Variants in VIPR2 observed in about 807,000 individuals in gnomAD.
VIPR2 encodes the protein vasoactive intestinal polypeptide receptor 2.
VIPR2 carries 48 observed loss-of-function variants against 58.0 expected under a neutral mutation model. The observed-to-expected ratio is 0.83, with a 90% CI of 0.66 to 1.05. VIPR2 has a LOEUF of 1.05. Ranked by LOEUF, VIPR2 falls within the 50% of genes least tolerant of loss-of-function variation. The pLI is 0.00. For missense variants in VIPR2, 534 were observed against 558.0 expected (o/e 0.96, Z 0.43); for synonymous variants, 243 against 235.2 (o/e 1.03, Z -0.30).
At chr7:159,123,324 A>C (rs1796538724) in intron 2 of VIPR2, among the ~76,000 whole-genome samples, 1 of 151,310 alleles carries the variant, frequency 6.6e-6, no homozygotes, top group African/African-American at 2.4e-5. Flanking sequence ...AAGAAAGAAA[A>C]AAAAACCTCA....
chr7:159,127,548 C>T lies in VIPR2; in HGVS notation c.151+14898G>A, dbSNP rs906569787. On this transcript the variant is annotated intron_variant, in intron 2 of 12. Coordinates refer to ENST00000262178, the MANE Select transcript of VIPR2 (RefSeq NM_003382.5). This position sits in a 1 kb window ranked among gnomAD's most constrained non-coding sequence, Gnocchi z 4.6. ...AAATTGAGCCTGAGTCAGTCCAATA[C>T]ATGTGGTTGGGATCCCTGACCAGCC... Among the ~76,000 whole-genome samples, 2 of 152,186 alleles carry T rather than the reference C, an allele frequency of 1.3e-5. No homozygotes were observed. Among genetic ancestry groups the T allele is most frequent in the Non-Finnish European group, 2.9e-5 (2 of 68,044 alleles).
At position 159,087,195 on chromosome 7, in the gene VIPR2, G is replaced by A. The variant is rs2730286; in HGVS notation, c.357+16562C>T. Among the ~76,000 whole-genome samples the A allele has an allele frequency of 1.2e-3, 176 of 145,346 alleles. 3 individuals carry two copies. Among genetic ancestry groups the A allele is most frequent in the African/African-American group, 4.1e-3 (160 of 38,754 alleles). On this transcript the variant is annotated intron_variant, in intron 4 of 12. Transcript: ENST00000262178. ...ACCCAGGACTCGGATAGTGAGATAT[G>A]GCTTCCCCAACAAACAATACCCAGG...
chr7:159,071,376 C>G (rs1190870533), intron 4 of VIPR2, among the ~76,000 whole-genome samples: 1 of 152,212 alleles, frequency 6.6e-6, no homozygotes, highest in African/African-American at 2.4e-5. Context: ...CAGGCAGACC[C>G]TTGGCCTTGG....
rs1400639621 is a variant in VIPR2 at position 159,128,356 on chromosome 7, CCTT to C, written c.151+14087_151+14089del. Among the ~76,000 whole-genome samples, 1 of 152,200 alleles carries C rather than the reference CCTT, an allele frequency of 6.6e-6. No homozygotes were observed. Among genetic ancestry groups the C allele is most frequent in the Non-Finnish European group, 1.5e-5 (1 of 68,028 alleles). The stretch of plus-strand genomic sequence containing the variant: ...AGCAGTTCTGAGCCTGCAGTGGTCT[CCTT>C]GTGCCCCCAGGTGCCTGCTGGCACC... On this transcript the variant is annotated intron_variant, in intron 2 of 12. Transcript: ENST00000262178. The surrounding 1 kb of genome is among the most constrained non-coding windows in gnomAD (Gnocchi z 4.1).
chr7:159,141,853 C>T (rs1325027686), intron 2 of VIPR2, among the ~76,000 whole-genome samples: 6 of 152,150 alleles, frequency 3.9e-5, no homozygotes, highest in African/African-American at 4.8e-5. Flanking sequence ...AAAGGCCTTG[C>T]TACTATTTAT....
rs1404619957 is a variant in VIPR2, at chr7:159,043,056, G to A, written c.576C>T (p.Cys192=). The A allele has an allele frequency of 1.9e-6, 3 of 1,614,170 alleles. No homozygotes were observed. Among genetic ancestry groups the A allele is most frequent in the Admixed American group, 1.7e-5 (1 of 60,024 alleles). The change falls in exon 6 of 13, where the codon TGC becomes TGT. Residue 192 remains cysteine (C), a synonymous_variant. Transcript: ENST00000262178. ...VLYSSSGTLH[C]PDQPSSWVGC... ...TTACCCAGGAGGATGGCTGGTCAGG[G>A]CAGTGCAACGTGCCAGAGCTGGAGT...
chr7:159,059,227 A>G (rs1425434080), intron 4 of VIPR2: 1 of 471,076 alleles, frequency 2.1e-6, no homozygotes, highest in South Asian at 1.5e-5. Flanking sequence ...CTACACAAAA[A>G]GAACTGGGTC....
At chr7:159,104,104 C>A (rs923717120) in intron 3 of VIPR2, among the ~76,000 whole-genome samples, 2 of 152,186 alleles carry the variant, frequency 1.3e-5, no homozygotes, top group African/African-American at 4.8e-5. Flanking sequence ...GTCATAATTA[C>A]CGCAACTGTA....
chr7:159,075,561 G>T (rs1856592438), intron 4 of VIPR2, among the ~76,000 whole-genome samples: 1 of 152,172 alleles, frequency 6.6e-6, no homozygotes, highest in South Asian at 2.1e-4. Flanking sequence ...GGAGCCCAGG[G>T]CTGGCACCCA....
At chr7:159,101,809 G>A (rs370893706) in intron 4 of VIPR2, among the ~76,000 whole-genome samples, 38 of 139,238 alleles carry the variant, frequency 2.7e-4, no homozygotes, top group African/African-American at 4.5e-4. Context: ...CGACGAGGCC[G>A]TTCCCCCGAC....
chr7:159,144,437 AG>A (rs1315779921), intron 1 of VIPR2: 1 of 1,546,998 alleles, frequency 6.5e-7, no homozygotes, highest in Admixed American at 2.0e-5. Context: ...TGACGCGTCC[AG>A]GAAGAAACGA....
intron 4 of VIPR2, among the ~76,000 whole-genome samples, chr7:159,066,194 C>T (rs1209140903): frequency 6.6e-6 from 1 of 151,834 alleles, no homozygotes; most frequent in Admixed American, 6.6e-5. Flanking sequence ...GATGCCTGCT[C>T]CCGCACCGTC....
intron 5 of VIPR2, among the ~76,000 whole-genome samples, chr7:159,049,497 C>G (rs1184255722): frequency 1.3e-5 from 2 of 152,146 alleles, no homozygotes; most frequent in Non-Finnish European, 2.9e-5. Flanking sequence ...TCAGAAAGGA[C>G]AAGCCCAGAG....
chr7:159,071,631 C>G (rs1333349843), intron 4 of VIPR2, among the ~76,000 whole-genome samples: 3 of 152,202 alleles, frequency 2.0e-5, no homozygotes, highest in Non-Finnish European at 4.4e-5. Context: ...AGACTGTTCA[C>G]AGGAGAACAG....
chr7:159,122,312 C>T (rs1328970172), intron 2 of VIPR2, among the ~76,000 whole-genome samples: 4 of 152,198 alleles, frequency 2.6e-5, no homozygotes, highest in Non-Finnish European at 5.9e-5. Flanking sequence ...AGGTCATGCA[C>T]CAAAGGCTAC....
intron 4 of VIPR2, among the ~76,000 whole-genome samples, chr7:159,084,293 G>A (rs745701320): frequency 9.8e-5 from 15 of 152,354 alleles, no homozygotes; most frequent in Non-Finnish European, 1.8e-4. Flanking sequence ...GAGAGTGCTC[G>A]GGGCAGGAAC....
At chr7:159,129,683 G>A (rs534133081) in intron 2 of VIPR2, among the ~76,000 whole-genome samples, 2 of 113,516 alleles carry the variant, frequency 1.8e-5, no homozygotes, top group South Asian at 3.8e-4. Context: ...GGGGGGACAG[G>A]GTCAGGTGAC....
chr7:159,107,793 GC>G (rs1470494777), intron 3 of VIPR2, among the ~76,000 whole-genome samples: 1 of 152,210 alleles, frequency 6.6e-6, no homozygotes. Context: ...GCTGCCCACT[GC>G]TTCTGGACAG....
chr7:159,098,714 T>C lies in VIPR2; in HGVS notation c.357+5043A>G, dbSNP rs1198914286. ...ATCTCTGCTGATTCCCTCACACATGTAGCCAAGTCTGTGGCTTCTGTGGAG... is the reference window on the plus strand; with the variant it reads ...ATCTCTGCTGATTCCCTCACACATGCAGCCAAGTCTGTGGCTTCTGTGGAG... On this transcript the variant is annotated intron_variant, in intron 4 of 12. Transcript: ENST00000262178. The surrounding 1 kb of genome is among the most constrained non-coding windows in gnomAD (Gnocchi z 5.2). Among the ~76,000 whole-genome samples, 1 of 152,252 alleles carries C rather than the reference T, an allele frequency of 6.6e-6. No individual in the cohort carries two copies. The highest frequency in any genetic ancestry group is 2.4e-5 in the African/African-American group (1 of 41,460).
Sources: allele counts gnomAD v4.1 joint callset (sites outside exome capture counted in the v4.1 genomes callset), GRCh38; gene constraint gnomAD v4.1.1; non-coding constraint Gnocchi (gnomAD v3.1); transcripts MANE v1.5; gene names NCBI Gene and HGNC (gene_info 2026-07-23, HGNC 2026-07-21).